Variants in PTPRD observed in about 807,000 individuals in gnomAD.
PTPRD encodes protein tyrosine phosphatase receptor type D, also known as receptor-type tyrosine-protein phosphatase delta.
In PTPRD, 34 loss-of-function variants were observed where a neutral mutation model predicts 214.5. That is an observed-to-expected ratio of 0.16 (90% confidence interval 0.12 to 0.21). PTPRD has a LOEUF of 0.21. Among genes scored for constraint, PTPRD ranks in the 10% least tolerant of loss-of-function variants. The pLI is 1.00. For missense variants in PTPRD, 2,545 were observed against 2,398.7 expected, an observed-to-expected ratio of 1.06 and a Z score of -1.27; for synonymous variants, 1,128 against 845.7, an observed-to-expected ratio of 1.33 and a Z score of -5.79.
chr9:10,290,825 A>AT (rs2095505680), intron 3 of PTPRD, among the ~76,000 whole-genome samples: 2 of 152,068 alleles, frequency 1.3e-5, no homozygotes, highest in African/African-American at 4.8e-5. Flanking sequence ...GTTAATTAGC[A>AT]TCATAATTAA....
rs754483598 is a variant in PTPRD, at chr9:10,336,029, G to A, written c.-545+4934C>T. The stretch of plus-strand genomic sequence containing the variant: ...CACATCCAGTTTGGAAGAGAGTTTG[G>A]CAGTTTCTTACAAAACTAAACAGAT... On this transcript the variant is annotated intron_variant, in intron 3 of 45. Coordinates refer to ENST00000381196, the MANE Select transcript of PTPRD (RefSeq NM_002839.4). Among the ~76,000 whole-genome samples the A allele has an allele frequency of 7.7e-4, 117 of 151,854 alleles. 1 individual carries two copies. Among genetic ancestry groups the A allele is most frequent in the Non-Finnish European group, 4.4e-4 (30 of 67,784 alleles).
chr9:9,270,634 G>A (rs993780533), intron 9 of PTPRD, among the ~76,000 whole-genome samples: 1 of 151,318 alleles, frequency 6.6e-6, no homozygotes, highest in African/African-American at 2.4e-5. Context: ...TGCAAAAGAA[G>A]AGCCATAGAA....
At chr9:9,848,699 A>C (rs2059995735) in intron 5 of PTPRD, among the ~76,000 whole-genome samples, 1 of 152,106 alleles carries the variant, frequency 6.6e-6, no homozygotes, top group South Asian at 2.1e-4. Context: ...AAAATAGATA[A>C]ATATCAAATA....
At chr9:8,338,498 C>G (rs1007526515) in intron 43 of PTPRD, among the ~76,000 whole-genome samples, 3 of 152,014 alleles carry the variant, frequency 2.0e-5, no homozygotes, top group African/African-American at 7.2e-5. Flanking sequence ...TAAAATCATA[C>G]CAAATTAACC....
intron 44 of PTPRD, among the ~76,000 whole-genome samples, chr9:8,330,212 T>C (rs1292935647): frequency 6.6e-6 from 1 of 152,116 alleles, no homozygotes; most frequent in Non-Finnish European, 1.5e-5. Flanking sequence ...GCACCCACTG[T>C]CCAACCAGTC....
At chr9:8,843,138 G>A (rs979796161) in intron 11 of PTPRD, among the ~76,000 whole-genome samples, 4 of 152,172 alleles carry the variant, frequency 2.6e-5, no homozygotes, top group African/African-American at 9.7e-5. Flanking sequence ...CACTTGGAAA[G>A]CAACAGAAAA....
intron 11 of PTPRD, among the ~76,000 whole-genome samples, chr9:9,000,008 C>T (rs185468293): frequency 7.9e-5 from 12 of 152,082 alleles, no homozygotes; most frequent in African/African-American, 2.9e-4. Context: ...TTTCCATATG[C>T]CAGAGTCCTG....
chr9:9,439,882 A>G (rs1457250589), intron 8 of PTPRD, among the ~76,000 whole-genome samples: 1 of 152,202 alleles, frequency 6.6e-6, no homozygotes, highest in Non-Finnish European at 1.5e-5. Context: ...TAGTGAGTAA[A>G]TAATTTTTCC....
intron 8 of PTPRD, among the ~76,000 whole-genome samples, chr9:9,487,812 G>T (rs773029185): frequency 2.6e-5 from 4 of 152,078 alleles, no homozygotes; most frequent in Non-Finnish European, 5.9e-5. Flanking sequence ...CTTCAGTTTT[G>T]AGGGTCAAAA....
intron 11 of PTPRD, among the ~76,000 whole-genome samples, chr9:8,868,439 A>G (rs2098237568): frequency 6.6e-6 from 1 of 152,062 alleles, no homozygotes; most frequent in South Asian, 2.1e-4. Context: ...CCTGGCCTCA[A>G]GTGATCCACT....
chr9:9,670,418 G>T (rs972190995), intron 7 of PTPRD, among the ~76,000 whole-genome samples: 2 of 152,150 alleles, frequency 1.3e-5, no homozygotes, highest in African/African-American at 4.8e-5. Flanking sequence ...TGATAGAAAA[G>T]AAACACCCAT....
At chr9:10,436,047 G>C (rs2098714959) in intron 2 of PTPRD, among the ~76,000 whole-genome samples, 1 of 151,812 alleles carries the variant, frequency 6.6e-6, no homozygotes. Flanking sequence ...ATAACACAAA[G>C]TGAAAGAAGT....
At chr9:8,370,061 A>C (rs913967611) in intron 39 of PTPRD, among the ~76,000 whole-genome samples, 1 of 152,160 alleles carries the variant, frequency 6.6e-6, no homozygotes, top group East Asian at 1.9e-4. Flanking sequence ...TAAGTGGAAG[A>C]CTAAGACGAT....
At chr9:9,008,574 A>G (rs1210166053) in intron 11 of PTPRD, among the ~76,000 whole-genome samples, 1 of 152,050 alleles carries the variant, frequency 6.6e-6, no homozygotes, top group African/African-American at 2.4e-5. Context: ...CAATCTGACA[A>G]TTCTATGGAA....
intron 5 of PTPRD, among the ~76,000 whole-genome samples, chr9:9,827,423 A>G (rs2053305875): frequency 6.6e-6 from 1 of 152,194 alleles, no homozygotes; most frequent in African/African-American, 2.4e-5. Flanking sequence ...TCCCTATTTA[A>G]TAAATGGTGC....
chr9:9,269,369 G>A (rs1208514855), intron 9 of PTPRD, among the ~76,000 whole-genome samples: 1 of 151,154 alleles, frequency 6.6e-6, no homozygotes. Flanking sequence ...GCTGGTGAGA[G>A]TGTGGAAAAA....
chr9:8,744,491 T>C (rs756286188), intron 11 of PTPRD, among the ~76,000 whole-genome samples: 10 of 152,192 alleles, frequency 6.6e-5, no homozygotes, highest in Non-Finnish European at 1.2e-4. Flanking sequence ...AATAATGGCA[T>C]TTGCAGCAAC....
intron 3 of PTPRD, among the ~76,000 whole-genome samples, chr9:10,246,831 T>A: frequency 6.6e-6 from 1 of 150,454 alleles, no homozygotes; most frequent in East Asian, 2.0e-4. Context: ...GAGGCTGAGG[T>A]TGCAGTGAGC....
At chr9:10,385,489 T>C (rs1297201931) in intron 2 of PTPRD, among the ~76,000 whole-genome samples, 1 of 151,842 alleles carries the variant, frequency 6.6e-6, no homozygotes, top group Non-Finnish European at 1.5e-5. Flanking sequence ...AGTATACATT[T>C]CAGTGATTCT....
Sources: allele counts gnomAD v4.1 joint callset (sites outside exome capture counted in the v4.1 genomes callset), GRCh38; gene constraint gnomAD v4.1.1; transcripts MANE v1.5; gene names NCBI Gene and HGNC (gene_info 2026-07-23, HGNC 2026-07-21).